UBN2: variants seen among roughly 807,000 people sequenced by gnomAD.
The protein encoded by UBN2 is ubinuclein-2.
Under a neutral mutation model 120.2 loss-of-function variants are expected in UBN2, and 35 were observed. That is an observed-to-expected ratio of 0.29 (90% confidence interval 0.22 to 0.39). The LOEUF (loss-of-function observed/expected upper bound fraction) is 0.39. UBN2 is among the 10% of genes least tolerant of loss of function. UBN2 has a pLI of 1.00. For synonymous variants in UBN2, 661 were observed against 648.7 expected, an observed-to-expected ratio of 1.02 and a Z score of -0.29; for missense variants, 1,693 against 1,663.2, an observed-to-expected ratio of 1.02 and a Z score of -0.31.
intron 17 of UBN2, among the ~76,000 whole-genome samples, chr7:139,294,336 CTT>C (rs1319930709): frequency 6.6e-6 from 1 of 152,208 alleles, no homozygotes; most frequent in Admixed American, 6.5e-5. Context: ...GATTAGCTAA[CTT>C]AATCCTTACA....
intron 3 of UBN2, among the ~76,000 whole-genome samples, chr7:139,254,314 C>T (rs999130502): frequency 1.3e-5 from 2 of 151,994 alleles, no homozygotes; most frequent in African/African-American, 4.8e-5. Flanking sequence ...AAAAAAAATT[C>T]TGCTGTCCCG....
At chr7:139,260,403 A>G (rs1467926778) in intron 5 of UBN2, among the ~76,000 whole-genome samples, 3 of 152,198 alleles carry the variant, frequency 2.0e-5, no homozygotes, top group Admixed American at 1.3e-4. Context: ...CAGCCAGTAT[A>G]TAGCTATTAT....
Position 139,304,143 on chromosome 7 carries a change from T to C in UBN2, c.*6307T>C, listed in dbSNP as rs1286270777. ...GTGTACTAATTCCATTAACTGTAGG[T>C]GTATCCAGCTCTGCACTGAAGGGGT... is the stretch of plus-strand genomic sequence containing the variant. On this transcript the variant is annotated 3_prime_UTR_variant, in exon 18 of 18. Transcript: ENST00000473989. The C allele has an allele frequency of 6.6e-6, 1 of 152,184 alleles. No individual in the cohort carries two copies. Among genetic ancestry groups the C allele is most frequent in the Non-Finnish European group, 1.5e-5 (1 of 68,038 alleles). The allele number at this position is 152,184 out of a possible 1,614,324, so 9.4% of individuals were successfully genotyped here.
intron 8 of UBN2, among the ~76,000 whole-genome samples, chr7:139,271,037 C>T (rs1208350904): frequency 5.3e-5 from 8 of 151,990 alleles, no homozygotes; most frequent in Admixed American, 5.2e-4. Context: ...CTGCCTTGGC[C>T]TCCTAAAGTA....
intron 13 of UBN2, among the ~76,000 whole-genome samples, chr7:139,280,680 C>CT (rs1445819016): frequency 2.6e-5 from 4 of 152,184 alleles, no homozygotes; most frequent in African/African-American, 4.8e-5. Flanking sequence ...GAGTCTCACT[C>CT]TATCACCCAG....
intron 12 of UBN2, chr7:139,277,793 G>A (rs555831593): frequency 6.6e-6 from 1 of 152,302 alleles, no homozygotes; most frequent in South Asian, 2.1e-4. Flanking sequence ...TATACTCCAA[G>A]ATGCCTGCAG....
At chr7:139,277,118 T>C (rs1422465775) in intron 12 of UBN2, 1 of 152,186 alleles carries the variant, frequency 6.6e-6, no homozygotes, top group Non-Finnish European at 1.5e-5. Flanking sequence ...TACTGAGAAT[T>C]TACTGAACAC....
intron 15 of UBN2, among the ~76,000 whole-genome samples, chr7:139,286,012 C>T (rs1238757935): frequency 6.6e-6 from 1 of 152,204 alleles, no homozygotes; most frequent in Non-Finnish European, 1.5e-5. Flanking sequence ...CTGCAACCTC[C>T]ACCTCCCAGG....
rs999995502 is a variant in UBN2 at position 139,259,498 on chromosome 7, A to G, written c.905+128A>G. On this transcript the variant is annotated intron_variant, in intron 5 of 17. Transcript: ENST00000473989. ...TAATTTAGTACGTTATTGACATATT[A>G]GTGACTTATGTTTAATAGTATTGTA... 28 of 1,255,376 alleles carry G rather than the reference A, an allele frequency of 2.2e-5. No homozygotes were observed. The Middle Eastern group carries it at 6.4e-4, about 29-fold the overall frequency. The allele number at this position is 1,255,376 out of a possible 1,614,324, so 77.8% of individuals were successfully genotyped here. A position where few individuals can be genotyped will look rare whatever the true frequency, so the allele number is the denominator to read the frequency against.
downstream of UBN2, among the ~76,000 whole-genome samples, chr7:139,312,185 G>A (rs1245605762): frequency 1.3e-5 from 2 of 152,158 alleles, no homozygotes; most frequent in Non-Finnish European, 2.9e-5. Flanking sequence ...ACTCTGCTCT[G>A]TCCCACAGGC....
chr7:139,236,898 G>C, intron 1 of UBN2, 107 bp from the exon 2 acceptor site: 1 of 540,348 alleles, frequency 1.9e-6, no homozygotes, highest in Non-Finnish European at 3.2e-6. Context: ...CACATTTATT[G>C]AAATAGAATT....
chr7:139,284,035 A>G lies in UBN2; in HGVS notation c.3130A>G (p.Lys1044Glu). 6.2e-7 allele frequency: 1 copy of G among 1,613,914 alleles called. No individual in the cohort carries two copies. The highest frequency in any genetic ancestry group is 1.1e-5 in the South Asian group (1 of 91,052). ...AASPKLAASPKPATSPKPLPS... is the reference protein window; with the variant it reads ...AASPKLAASPEPATSPKPLPS... ...CTCCCCAAAACTTGCCGCATCTCCC[A>G]AGCCTGCCACATCTCCTAAACCCCT... is the stretch of plus-strand genomic sequence containing the variant. The change falls in exon 15 of 18, where the codon AAG (lysine) becomes GAG (glutamate). Residue 1044 changes from lysine (K) to glutamate (E), a missense_variant. By Grantham distance (56) the Lys-to-Glu change is moderately conservative (BLOSUM62 1). Coordinates refer to ENST00000473989, the MANE Select transcript of UBN2 (RefSeq NM_173569.4).
chr7:139,266,283 A>G (rs746980618), intron 6 of UBN2, 50 bp from the exon 7 acceptor site: 1 of 1,242,440 alleles, frequency 8.0e-7, no homozygotes, highest in Non-Finnish European at 1.1e-6. Flanking sequence ...AGAATGCAAA[A>G]TAGAGTAATG....
At chr7:139,313,994 G>A in the UBN2 span, among the ~76,000 whole-genome samples, 2 of 151,670 alleles carry the variant, frequency 1.3e-5, no homozygotes, top group African/African-American at 4.8e-5. Flanking sequence ...GATTACAGGC[G>A]TGTGCCACCA....
At chr7:139,234,932 G>A (rs1200919158) in intron 1 of UBN2, among the ~76,000 whole-genome samples, 1 of 152,072 alleles carries the variant, frequency 6.6e-6, no homozygotes, top group Admixed American at 6.5e-5. Context: ...TTGCATGTGG[G>A]TAGTTGATAA....
Position 139,300,984 on chromosome 7 carries a change from T to G in UBN2, c.*3148T>G, listed in dbSNP as rs1025953604. On this transcript the variant is annotated 3_prime_UTR_variant, in exon 18 of 18. Transcript: ENST00000473989. Reference sequence around the variant, plus strand: ...ATGAAATCGTGATTTTAAAACAGCCTGAAGAAAAAGGTTTTGGGAAAGGAA... The same window carrying G: ...ATGAAATCGTGATTTTAAAACAGCCGGAAGAAAAAGGTTTTGGGAAAGGAA... 1 of 152,130 alleles carries G rather than the reference T, an allele frequency of 6.6e-6. No homozygotes were observed. Among genetic ancestry groups the G allele is most frequent in the Non-Finnish European group, 1.5e-5 (1 of 68,010 alleles). The allele number at this position is 152,130 out of a possible 1,614,324, so 9.4% of individuals were successfully genotyped here.
intron 15 of UBN2, among the ~76,000 whole-genome samples, chr7:139,289,600 C>T (rs1274712538): frequency 5.3e-5 from 8 of 151,676 alleles, no homozygotes; most frequent in African/African-American, 1.5e-4. Flanking sequence ...TTAGTAGAGA[C>T]GGTGTTTCAC....
intron 2 of UBN2, among the ~76,000 whole-genome samples, chr7:139,239,360 C>A (rs1229746641): frequency 6.6e-6 from 1 of 151,940 alleles, no homozygotes; most frequent in Non-Finnish European, 1.5e-5. Flanking sequence ...AGGTTGCTTT[C>A]AAAAATTTGC....
rs748292780 is a variant in UBN2, at chr7:139,293,979, A to G, written c.3992A>G (p.His1331Arg). 5.0e-6 allele frequency: 8 copies of G among 1,613,248 alleles called. No homozygotes were observed. The East Asian group carries it at 1.8e-4, about 36-fold the overall frequency. Reference sequence around the variant, plus strand: ...CCTGCACACTTACAGCAAGCATTTCACGGTGAGAACGCCACCTCCTTCATC... The same window carrying G: ...CCTGCACACTTACAGCAAGCATTTCGCGGTGAGAACGCCACCTCCTTCATC... ...PLPAHLQQAF[H>R]DGGQSKGDTK... Residue 1331 changes from histidine (H) to arginine (R), a missense_variant and splice_region_variant, in exon 17 of 18, where the codon CAC (histidine) becomes CGC (arginine). Transcript: ENST00000473989.
Sources: gnomAD v4.1 joint callset for allele counts (sites outside exome capture counted in the v4.1 genomes callset) on GRCh38, gnomAD v4.1.1 for gene constraint, MANE v1.5 for transcripts, NCBI Gene and HGNC (gene_info 2026-07-23, HGNC 2026-07-21) for gene names.